The following AHI1 variants were observed in gnomAD, a reference collection of about 807,000 sequenced individuals.
AHI1 encodes the protein Abelson helper integration site 1.
A neutral mutation model predicts 149.3 loss-of-function variants in AHI1; 123 were observed. The observed-to-expected ratio is 0.82, with a 90% CI of 0.71 to 0.96. The LOEUF (loss-of-function observed/expected upper bound fraction) is 0.96, where lower values mean the gene tolerates loss of function less well. Ranked by LOEUF, AHI1 falls within the 40% of genes least tolerant of loss-of-function variation. The pLI is 0.00. For missense variants in AHI1, 1,439 were observed against 1,422.7 expected, an observed-to-expected ratio of 1.01 and a Z score of -0.18; for synonymous variants, 475 against 459.8, an observed-to-expected ratio of 1.03 and a Z score of -0.42.
At chr6:135,350,622 A>G (rs1170966887) in intron 24 of AHI1, among the ~76,000 whole-genome samples, 1 of 152,210 alleles carries the variant, frequency 6.6e-6, no homozygotes, top group Non-Finnish European at 1.5e-5. Flanking sequence ...GAAAAAAAAG[A>G]AAGTGTAATA....
intron 5 of AHI1, among the ~76,000 whole-genome samples, chr6:135,480,366 G>A (rs1318547514): frequency 6.6e-6 from 1 of 152,094 alleles, no homozygotes; most frequent in African/African-American, 2.4e-5. Flanking sequence ...GTGGAGGTGG[G>A]AGAATTGCTT....
intron 22 of AHI1, among the ~76,000 whole-genome samples, chr6:135,397,170 T>C (rs1459860337): frequency 1.3e-5 from 2 of 151,950 alleles, no homozygotes; most frequent in African/African-American, 4.8e-5. Context: ...AACTGTTAAT[T>C]ATTACTGTTA....
chr6:135,301,025 A>G (rs1391507827), intron 26 of AHI1: 15 of 984,786 alleles, frequency 1.5e-5, no homozygotes, highest in Middle Eastern at 1.0e-3. Context: ...AAATGTGTTC[A>G]GTATATCTTG....
In AHI1 at chr6:135,436,311, A is replaced by G. The variant is rs557595402; in HGVS notation, c.2036+2064T>C. ...AAGAGAAGAGAAGAGGTTGTCAATG[A>G]AAACTATGAATTCAAAATATTTCAA... On this transcript the variant is annotated intron_variant, in intron 15 of 28. Transcript: ENST00000265602. Among the ~76,000 whole-genome samples the G allele has an allele frequency of 1.6e-4, 25 of 152,326 alleles. No homozygotes were observed. In the South Asian group the frequency reaches 5.2e-3, roughly 32 times the overall value.
At chr6:135,485,571 A>G (rs1419723773) in intron 5 of AHI1, among the ~76,000 whole-genome samples, 2 of 152,078 alleles carry the variant, frequency 1.3e-5, no homozygotes, top group East Asian at 1.9e-4. Flanking sequence ...AATTTTTTCT[A>G]TTTGAATCTG....
intron 26 of AHI1, among the ~76,000 whole-genome samples, chr6:135,310,655 T>G (rs1279037625): frequency 6.6e-6 from 1 of 152,236 alleles, no homozygotes; most frequent in African/African-American, 2.4e-5. Flanking sequence ...GATATTTTTA[T>G]AATTATCTTG....
At chr6:135,363,863 CCCGGACGGGGCGGCTGG>C (rs1339151423) in intron 23 of AHI1, among the ~76,000 whole-genome samples, 3 of 149,926 alleles carry the variant, frequency 2.0e-5, no homozygotes, top group Admixed American at 6.6e-5. Context: ...CCCCTCACCC[CCCGGACGGGGCGGCTGG>C]CCGGACGGGG....
chr6:135,398,058 G>GTTTTTT (rs68148024), intron 22 of AHI1, among the ~76,000 whole-genome samples: 2 of 88,426 alleles, frequency 2.3e-5, no homozygotes, highest in African/African-American at 8.7e-5. Context: ...TACCCAGGAT[G>GTTTTTT]TTTTTTTTTT....
At chr6:135,293,375 AC>A (rs1782598997) in intron 27 of AHI1, among the ~76,000 whole-genome samples, 1 of 141,478 alleles carries the variant, frequency 7.1e-6, no homozygotes, top group Middle Eastern at 3.3e-3. Context: ...TAGAGGTTCT[AC>A]CCAGTGTTAA....
At position 135,374,448 on chromosome 6, in the gene AHI1, C is replaced by T. The variant is rs371925578; in HGVS notation, c.3110-16261G>A. ...GTTTAATGTGAAGAAGTTATCTGTA[C>T]TGAGACTGCAAGCCTTTCTTAAGAA... On this transcript the variant is annotated intron_variant, in intron 23 of 28. Coordinates refer to ENST00000265602, the MANE Select transcript of AHI1 (RefSeq NM_001134831.2). Among the ~76,000 whole-genome samples, 312 of 152,046 alleles carry T rather than the reference C, an allele frequency of 2.1e-3. 4 individuals are homozygous for T. Among genetic ancestry groups the T allele is most frequent in the African/African-American group, 6.8e-3 (284 of 41,480 alleles).
intron 16 of AHI1, 74 bp from the exon 17 acceptor site, chr6:135,431,388 A>T: frequency 1.1e-6 from 1 of 876,752 alleles, no homozygotes; most frequent in South Asian, 2.1e-5. Flanking sequence ...AAATCGGGGG[A>T]AACTATACCC....
intron 3 of AHI1, chr6:135,492,591 A>T: frequency 1.0e-6 from 1 of 985,254 alleles, no homozygotes; most frequent in East Asian, 1.1e-4. Flanking sequence ...AAACTTTTTA[A>T]AGTGTTTTAA....
At chr6:135,406,208 G>T (rs1454896567) in intron 21 of AHI1, among the ~76,000 whole-genome samples, 1 of 152,160 alleles carries the variant, frequency 6.6e-6, no homozygotes, top group East Asian at 1.9e-4. Context: ...CTCATTCTAA[G>T]TTTTTAGATC....
intron 7 of AHI1, 130 bp from the exon 8 acceptor site, chr6:135,463,436 G>C: frequency 2.8e-6 from 2 of 718,840 alleles, no homozygotes; most frequent in Non-Finnish European, 4.2e-6. Context: ...TCTCTTGAGA[G>C]ATGCATGTAT....
chr6:135,433,713 A>G (rs1784984381), intron 15 of AHI1, among the ~76,000 whole-genome samples: 1 of 152,036 alleles, frequency 6.6e-6, no homozygotes, highest in Non-Finnish European at 1.5e-5. Flanking sequence ...ATTAACTTTT[A>G]TATTTGTAAT....
At chr6:135,347,775 G>A (rs542180099) in intron 24 of AHI1, among the ~76,000 whole-genome samples, 3 of 152,182 alleles carry the variant, frequency 2.0e-5, no homozygotes, top group African/African-American at 7.2e-5. Flanking sequence ...ATCAAATGCA[G>A]ATCGACTAAC....
Position 135,285,549 on chromosome 6 carries a change from A to C in AHI1, c.*96T>G. ...AGTAGTGGATCCTTTCTTCCTCCTT[A>C]GTATCTGAAAATTCTGAACTCTGAA... is the stretch of plus-strand genomic sequence containing the variant. On this transcript the variant is annotated 3_prime_UTR_variant, in exon 29 of 29. Coordinates refer to ENST00000265602, the MANE Select transcript of AHI1 (RefSeq NM_001134831.2). 8.0e-7 allele frequency: 1 copy of C among 1,245,118 alleles called. No individual in the cohort carries two copies. Among genetic ancestry groups the C allele is most frequent in the Non-Finnish European group, 1.2e-6 (1 of 863,108 alleles). 77.1% of individuals were successfully genotyped at this position (1,245,118 alleles called of 1,614,324 possible).
At chr6:135,451,789 T>C (rs1393082927) in intron 11 of AHI1, among the ~76,000 whole-genome samples, 1 of 152,146 alleles carries the variant, frequency 6.6e-6, no homozygotes, top group Non-Finnish European at 1.5e-5. Flanking sequence ...GAAATGCAGT[T>C]TCTAATAAAA....
chr6:135,463,144 T>A lies in AHI1; in HGVS notation c.912A>T (p.Thr304=), dbSNP rs1186344332. 1 of 1,585,116 alleles carries A rather than the reference T, an allele frequency of 6.3e-7. No homozygotes were observed. Among genetic ancestry groups the A allele is most frequent in the Admixed American group, 1.8e-5 (1 of 56,428 alleles). ...GCAAACCTGCTTTAGTCTTCTTTTTTGTTTTTTTTGGTTTAGGTTTTGTAT... is the reference window on the plus strand; with the variant it reads ...GCAAACCTGCTTTAGTCTTCTTTTTAGTTTTTTTTGGTTTAGGTTTTGTAT... ...QDDTKPKPKK[T]KKKTKAVADN... is the part of the protein sequence containing the mutation. The change falls in exon 8 of 29, where the codon ACA becomes ACT. Residue 304 remains threonine, a synonymous_variant. Coordinates refer to ENST00000265602, the MANE Select transcript of AHI1 (RefSeq NM_001134831.2).
Sources: gnomAD v4.1 joint callset for allele counts (sites outside exome capture counted in the v4.1 genomes callset) on GRCh38, gnomAD v4.1.1 for gene constraint, MANE v1.5 for transcripts, NCBI Gene and HGNC (gene_info 2026-07-23, HGNC 2026-07-21) for gene names.